Variants in NFE2L2 observed in about 807,000 individuals in gnomAD.
NFE2L2 encodes the protein NFE2 like bZIP transcription factor 2.
Under a neutral mutation model 49.6 loss-of-function variants are expected in NFE2L2, and 20 were observed. The observed-to-expected ratio is 0.40, with a 90% CI of 0.28 to 0.59. NFE2L2 has a LOEUF of 0.59. Among genes scored for constraint, NFE2L2 ranks in the 20% least tolerant of loss-of-function variants. NFE2L2 has a pLI of 0.40. For missense variants in NFE2L2, 578 were observed against 714.2 expected (o/e 0.81, Z 2.17); for synonymous variants, 244 against 256.5 (o/e 0.95, Z 0.47).
In NFE2L2 at chr2:177,232,688, C is replaced by G. The variant is rs539642868; in HGVS notation, c.403-105G>C. 198 of 1,110,472 alleles carry G rather than the reference C, an allele frequency of 1.8e-4. 2 individuals carry two copies. In the South Asian group the frequency reaches 1.9e-3, roughly 11 times the overall value. 68.8% of individuals were successfully genotyped at this position (1,110,472 alleles called of 1,614,324 possible). ...AATGGAATCAGCTGCAGTTCTGTGT[C>G]TCTCTACTTACTAACCAGTCATGAC... On this transcript the variant is annotated intron_variant, in intron 3 of 4. Coordinates refer to ENST00000397062, the MANE Select transcript of NFE2L2 (RefSeq NM_006164.5).
chr2:177,232,168 C>G, intron 4 of NFE2L2, 160 bp from the exon 5 acceptor site: 1 of 922,376 alleles, frequency 1.1e-6, no homozygotes, highest in Non-Finnish European at 1.6e-6. Context: ...CATATTTACG[C>G]CTAAGCGTTA....
intron 1 of NFE2L2, among the ~76,000 whole-genome samples, chr2:177,252,463 A>G (rs545981572): frequency 6.6e-6 from 1 of 152,238 alleles, no homozygotes; most frequent in African/African-American, 2.4e-5. Flanking sequence ...AAATATTGCT[A>G]ATCATTGTAA....
At chr2:177,253,873 G>C (rs1334141036) in intron 1 of NFE2L2, among the ~76,000 whole-genome samples, 2 of 152,168 alleles carry the variant, frequency 1.3e-5, no homozygotes, top group African/African-American at 4.8e-5. Context: ...ATCCTTTAAA[G>C]AATTTTGCAA....
chr2:177,235,147 C>G (rs1689700489), intron 1 of NFE2L2, among the ~76,000 whole-genome samples: 4 of 151,438 alleles, frequency 2.6e-5, no homozygotes, highest in African/African-American at 9.7e-5. Context: ...CAGACAGGGA[C>G]AGGTGCGGTG....
At chr2:177,233,542 T>A in intron 2 of NFE2L2, 1 of 562,470 alleles carries the variant, frequency 1.8e-6, no homozygotes, top group South Asian at 2.3e-5. Flanking sequence ...CTGAGTGATC[T>A]GGGCAAATTA....
intron 1 of NFE2L2, among the ~76,000 whole-genome samples, chr2:177,258,065 T>C (rs570021792): frequency 1.1e-4 from 16 of 152,330 alleles, no homozygotes; most frequent in Middle Eastern, 6.8e-3. Context: ...GATTTTGATT[T>C]CATGAGGGAT....
intron 1 of NFE2L2, 90 bp downstream of exon 1, chr2:177,264,442 G>A (rs1189858574): frequency 3.7e-6 from 5 of 1,358,750 alleles, no homozygotes; most frequent in East Asian, 5.8e-5. Context: ...GGGGGAAGCC[G>A]GTTGCGGCTG....
At chr2:177,241,014 T>C (rs1689921518) in intron 1 of NFE2L2, among the ~76,000 whole-genome samples, 1 of 152,168 alleles carries the variant, frequency 6.6e-6, no homozygotes, top group South Asian at 2.1e-4. Context: ...TCCTACCCTC[T>C]ATCTTGCCCT....
Position 177,230,956 on chromosome 2 carries a change from G to A in NFE2L2, c.1647C>T (p.Ser549=), listed in dbSNP as rs564143578. The A allele has an allele frequency of 2.5e-6, 4 of 1,610,814 alleles. No individual in the cohort carries two copies. Among genetic ancestry groups the A allele is most frequent in the Non-Finnish European group, 3.4e-6 (4 of 1,179,266 alleles). Residue 549 remains serine (S), a synonymous_variant, in exon 5 of 5, where the codon AGC becomes AGT. Transcript: ENST00000397062. The part of the protein sequence containing the change: ...LLKEKGENDK[S]LHLLKKQLST... ...TGAGTTGTTTTTTCAGTAGGTGAAG[G>A]CTTTTGTCATTTTCTCCTTTTTCTT... is the stretch of plus-strand genomic sequence containing the variant.
At chr2:177,235,275 A>C (rs1689707344) in intron 1 of NFE2L2, among the ~76,000 whole-genome samples, 1 of 151,310 alleles carries the variant, frequency 6.6e-6, no homozygotes, top group South Asian at 2.1e-4. Context: ...AAACAAAAAC[A>C]AACAACAACA....
At chr2:177,263,910 C>G in intron 1 of NFE2L2, 1 of 985,596 alleles carries the variant, frequency 1.0e-6, no homozygotes, top group Non-Finnish European at 1.2e-6. Flanking sequence ...TCAAGGCTGC[C>G]AGAGAGTGAT....
intron 1 of NFE2L2, among the ~76,000 whole-genome samples, chr2:177,242,445 T>C (rs1343283893): frequency 1.3e-5 from 2 of 152,246 alleles, no homozygotes; most frequent in African/African-American, 4.8e-5. Context: ...AGACGTATTA[T>C]TCAACAAGTT....
Position 177,230,532 on chromosome 2 carries a change from T to C in NFE2L2, c.*253A>G. 1 of 386,656 alleles carries C rather than the reference T, an allele frequency of 2.6e-6. No homozygotes were observed. Among genetic ancestry groups the C allele is most frequent in the Non-Finnish European group, 4.6e-6 (1 of 219,254 alleles). The allele number at this position is 386,656 out of a possible 1,614,324, so 24.0% of individuals were successfully genotyped here. On this transcript the variant is annotated 3_prime_UTR_variant, in exon 5 of 5. Coordinates refer to ENST00000397062, the MANE Select transcript of NFE2L2 (RefSeq NM_006164.5). ...CATAAGAACAGTATAAATAAGTTTT[T>C]GTAGTATTTACACTTACACAGAAAC...
In NFE2L2 at chr2:177,264,561, G is replaced by T. The variant is rs762231388; in HGVS notation, c.16C>A (p.Leu6Met). ...TGGGACGGGAGTCCCGGCGGCGGCAGCTCCAAGTCCATCATGATGAGCTGT... is the reference window on the plus strand; with the variant it reads ...TGGGACGGGAGTCCCGGCGGCGGCATCTCCAAGTCCATCATGATGAGCTGT... MMDLE[L>M]PPPGLPSQQD... Residue 6 changes from leucine (L) to methionine (M), a missense_variant, in exon 1 of 5, where the codon CTG (leucine) becomes ATG (methionine). Coordinates refer to ENST00000397062, the MANE Select transcript of NFE2L2 (RefSeq NM_006164.5). The T allele has an allele frequency of 3.3e-6, 5 of 1,518,118 alleles. No homozygotes were observed. Among genetic ancestry groups the T allele is most frequent in the Non-Finnish European group, 4.4e-6 (5 of 1,132,034 alleles). 94.0% of individuals were successfully genotyped at this position (1,518,118 alleles called of 1,614,324 possible). A position where few individuals can be genotyped will look rare whatever the true frequency, so the allele number is the denominator to read the frequency against.
At chr2:177,237,046 G>C (rs1689774129) in intron 1 of NFE2L2, among the ~76,000 whole-genome samples, 1 of 152,058 alleles carries the variant, frequency 6.6e-6, no homozygotes. Context: ...TTTTTGTAGA[G>C]ATGGCGTCTT....
chr2:177,249,904 A>G (rs10930781), intron 1 of NFE2L2, among the ~76,000 whole-genome samples: 136,067 of 152,280 alleles, frequency 0.89, 60,931 homozygotes, highest in African/African-American at 0.93. Flanking sequence ...AATTTCAAGC[A>G]TGAGGGACAG....
At chr2:177,249,339 G>T (rs1690252458) in intron 1 of NFE2L2, among the ~76,000 whole-genome samples, 1 of 152,154 alleles carries the variant, frequency 6.6e-6, no homozygotes, top group African/African-American at 2.4e-5. Flanking sequence ...CAAGGCAAAG[G>T]CTATAAAGCC....
At chr2:177,264,478 C>G (rs1690864971) in intron 1 of NFE2L2, 54 bp downstream of exon 1, 1 of 1,503,340 alleles carries the variant, frequency 6.7e-7, no homozygotes, top group South Asian at 1.2e-5. Flanking sequence ...GGTTCCCTAG[C>G]TCCCCCGCCC....
chr2:177,249,456 G>A (rs1259824026), intron 1 of NFE2L2, among the ~76,000 whole-genome samples: 3 of 152,106 alleles, frequency 2.0e-5, no homozygotes, highest in African/African-American at 4.8e-5. Flanking sequence ...TGACCCCCAA[G>A]ATCCTTTCCT....
Sources: allele counts gnomAD v4.1 joint callset (sites outside exome capture counted in the v4.1 genomes callset), GRCh38; gene constraint gnomAD v4.1.1; transcripts MANE v1.5; gene names NCBI Gene and HGNC (gene_info 2026-07-23, HGNC 2026-07-21).